The following SAXO1 variants were observed in gnomAD, a reference collection of about 807,000 sequenced individuals.
The protein encoded by SAXO1 is stabilizer of axonemal microtubules 1.
In SAXO1, 21 loss-of-function variants were observed where a neutral mutation model predicts 17.5. The observed-to-expected ratio is 1.20, with a 90% confidence interval of 0.85 to 1.72. The LOEUF (loss-of-function observed/expected upper bound fraction) is 1.72. Among genes scored for constraint, SAXO1 ranks in the 40% most tolerant of loss-of-function variants. SAXO1 has a pLI of 0.00. For missense variants in SAXO1, 843 were observed against 596.0 expected (o/e 1.41, Z -4.32); for synonymous variants, 274 against 216.5 (o/e 1.27, Z -2.33).
chr9:18,975,863 G>C (rs1833127810), intron 1 of SAXO1, among the ~76,000 whole-genome samples: 1 of 148,126 alleles, frequency 6.8e-6, no homozygotes, highest in Non-Finnish European at 1.5e-5. Context: ...CCAAAAGAAA[G>C]AACTACAGCT....
chr9:18,973,646 T>G (rs1265323350), intron 1 of SAXO1, among the ~76,000 whole-genome samples: 2 of 152,082 alleles, frequency 1.3e-5, no homozygotes, highest in Non-Finnish European at 2.9e-5. Flanking sequence ...CAGACCAGAG[T>G]TTCTTTTGGC....
At chr9:18,984,278 G>C (rs1441527985) in intron 1 of SAXO1, among the ~76,000 whole-genome samples, 1 of 152,174 alleles carries the variant, frequency 6.6e-6, no homozygotes, top group Non-Finnish European at 1.5e-5. Flanking sequence ...TGGTAAATGG[G>C]CATCCGCTTC....
At chr9:18,962,430 G>A (rs904292511) in intron 1 of SAXO1, among the ~76,000 whole-genome samples, 1 of 152,180 alleles carries the variant, frequency 6.6e-6, no homozygotes, top group Admixed American at 6.5e-5. Flanking sequence ...TGTTTGTTTG[G>A]CCGCATACAT....
upstream of SAXO1, chr9:19,033,218 G>C (rs1353685285): frequency 3.0e-6 from 1 of 328,466 alleles, no homozygotes; most frequent in Non-Finnish European, 5.5e-6. Context: ...CTGGGCCCCA[G>C]GAAGCTGCGG....
intron 1 of SAXO1, among the ~76,000 whole-genome samples, chr9:18,960,785 G>GA (rs1326017483): frequency 2.2e-4 from 22 of 97,876 alleles, no homozygotes; most frequent in South Asian, 7.3e-4. Flanking sequence ...TGTCTCAAAA[G>GA]AAAAAAAAAT....
intron 1 of SAXO1, among the ~76,000 whole-genome samples, chr9:19,016,371 G>A (rs1440146778): frequency 6.6e-6 from 1 of 152,198 alleles, no homozygotes; most frequent in Non-Finnish European, 1.5e-5. Context: ...AGGTGGCGGA[G>A]GTTGTAGTGA....
At chr9:19,032,761 G>T in intron 1 of SAXO1, 110 bp downstream of exon 1, 2 of 1,215,322 alleles carry the variant, frequency 1.6e-6, no homozygotes, top group Non-Finnish European at 2.3e-6. Flanking sequence ...GTAGCAAGTG[G>T]ACGAACCCAC....
At chr9:18,974,837 T>C (rs1379714699) in intron 1 of SAXO1, among the ~76,000 whole-genome samples, 1 of 152,152 alleles carries the variant, frequency 6.6e-6, no homozygotes, top group East Asian at 1.9e-4. Flanking sequence ...TAGATTCAGG[T>C]GGATTCATTC....
intron 2 of SAXO1, among the ~76,000 whole-genome samples, chr9:18,944,887 T>C (rs1192191268): frequency 6.6e-6 from 1 of 152,198 alleles, no homozygotes; most frequent in Non-Finnish European, 1.5e-5. Flanking sequence ...TATGCAAACT[T>C]GAAGATATAT....
chr9:19,031,073 G>A (rs984199810), intron 1 of SAXO1, among the ~76,000 whole-genome samples: 2 of 152,204 alleles, frequency 1.3e-5, no homozygotes, highest in Admixed American at 6.5e-5. Flanking sequence ...AGTCAGAGAA[G>A]GAACACCCAA....
intron 1 of SAXO1, among the ~76,000 whole-genome samples, chr9:19,040,796 G>C (rs985676239): frequency 6.6e-6 from 1 of 152,262 alleles, no homozygotes; most frequent in East Asian, 1.9e-4. Context: ...GGTAGAAGCA[G>C]AGATCAAATA....
rs1050127609 is a variant in SAXO1, at chr9:19,046,199, G to T, written c.-158+3010C>A. ...TTTCTTAATGTTACTATTATCCTCA[G>T]AGAGATAAAAGAATATATTTAATCC... On this transcript the variant is annotated intron_variant, in intron 1 of 3. Transcript: ENST00000542071. Among the ~76,000 whole-genome samples the T allele has an allele frequency of 7.3e-5, 11 of 151,566 alleles. No homozygotes were observed. In the South Asian group the frequency reaches 1.7e-3, roughly 23 times the overall value.
intron 1 of SAXO1, among the ~76,000 whole-genome samples, chr9:19,029,368 C>A (rs1404483966): frequency 6.6e-6 from 1 of 152,150 alleles, no homozygotes; most frequent in South Asian, 2.1e-4. Context: ...CCAGAGAGAA[C>A]CAGTGACTCA....
intron 1 of SAXO1, among the ~76,000 whole-genome samples, chr9:19,022,685 A>T (rs1835298944): frequency 6.6e-6 from 1 of 152,226 alleles, no homozygotes; most frequent in Non-Finnish European, 1.5e-5. Flanking sequence ...GATTTTTTAC[A>T]TTACAACCCC....
chr9:18,988,242 A>C (rs1248786650), intron 1 of SAXO1, among the ~76,000 whole-genome samples: 1 of 152,258 alleles, frequency 6.6e-6, no homozygotes, highest in Admixed American at 6.5e-5. Context: ...TAAAGAGCAC[A>C]GCATCTTCTG....
chr9:18,960,415 T>A (rs12346001), intron 1 of SAXO1, among the ~76,000 whole-genome samples: 2 of 152,062 alleles, frequency 1.3e-5, no homozygotes, highest in Admixed American at 1.3e-4. Flanking sequence ...AGCCTATTCC[T>A]AGCCTTCCCT....
chr9:18,998,473 C>A (rs1789847463), intron 1 of SAXO1, among the ~76,000 whole-genome samples: 1 of 152,092 alleles, frequency 6.6e-6, no homozygotes, highest in African/African-American at 2.4e-5. Context: ...TGTGAAAAGA[C>A]CAAATCTATG....
rs1225379907 is a variant in SAXO1 at position 19,049,113 on chromosome 9, C to G, written c.-158+96G>C. On this transcript the variant is annotated intron_variant, in intron 1 of 3. Coordinates refer to the SAXO1 transcript ENST00000542071. This position sits in a 1 kb window ranked among gnomAD's most constrained non-coding sequence, Gnocchi z 5.4. ...TGCCCCTGCGGAAACCGGCCCGACACACCTCGCTCCTAAAGCCAGTTGCGG... is the reference window on the plus strand; with the variant it reads ...TGCCCCTGCGGAAACCGGCCCGACAGACCTCGCTCCTAAAGCCAGTTGCGG... 6.5e-6 allele frequency: 1 copy of G among 152,746 alleles called. No individual in the cohort carries two copies. The highest frequency in any genetic ancestry group is 1.5e-5 in the Non-Finnish European group (1 of 68,354). 9.5% of individuals were successfully genotyped at this position (152,746 alleles called of 1,614,324 possible).
intron 1 of SAXO1, among the ~76,000 whole-genome samples, chr9:18,999,683 C>G (rs1834170444): frequency 6.7e-6 from 1 of 150,182 alleles, no homozygotes; most frequent in Non-Finnish European, 1.5e-5. Context: ...AGCGCCTCTG[C>G]CCGGCCGCCA....
Sources: gnomAD v4.1 joint callset for allele counts (sites outside exome capture counted in the v4.1 genomes callset) on GRCh38, gnomAD v4.1.1 for gene constraint, Gnocchi (gnomAD v3.1) non-coding constraint, MANE v1.5 for transcripts, NCBI Gene and HGNC (gene_info 2026-07-23, HGNC 2026-07-21) for gene names.